The following DNM3 variants were observed in gnomAD, a reference collection of about 807,000 sequenced individuals.
DNM3 encodes dynamin 3, also known as dynamin-3.
DNM3 carries 47 observed loss-of-function variants against 101.6 expected under a neutral mutation model. The observed-to-expected ratio is 0.46, with a 90% confidence interval of 0.37 to 0.59. The LOEUF (loss-of-function observed/expected upper bound fraction) is 0.59. Ranked by LOEUF, DNM3 falls within the 20% of genes least tolerant of loss-of-function variation. The probability of loss-of-function intolerance (pLI) is 0.00; values close to 1 mark genes in which losing one functional copy is unlikely to be tolerated. For synonymous variants in DNM3, 385 were observed against 387.9 expected, an observed-to-expected ratio of 0.99 and a Z score of 0.09; for missense variants, 849 against 1,085.7, an observed-to-expected ratio of 0.78 and a Z score of 3.06.
At chr1:171,938,756 C>A (rs556661692) in intron 2 of DNM3, among the ~76,000 whole-genome samples, 6 of 152,254 alleles carry the variant, frequency 3.9e-5, no homozygotes, top group South Asian at 2.1e-4. Context: ...AATATTCCCA[C>A]ATTTGTAACC....
At chr1:172,208,118 G>T (rs759115448) in intron 14 of DNM3, among the ~76,000 whole-genome samples, 1 of 152,036 alleles carries the variant, frequency 6.6e-6, no homozygotes, top group Non-Finnish European at 1.5e-5. Flanking sequence ...ACCCAAGTGA[G>T]AATTTTGACT....
At chr1:172,144,471 A>G in intron 14 of DNM3, 1 of 376,836 alleles carries the variant, frequency 2.7e-6, no homozygotes. Flanking sequence ...GAGATTCAAA[A>G]AAGGAGCAAA....
chr1:172,389,266 A>G (rs1470544011), intron 20 of DNM3: 1 of 159,148 alleles, frequency 6.3e-6, no homozygotes, highest in East Asian at 1.8e-4. Context: ...CTTATACTCA[A>G]TTTTACCAAT....
intron 14 of DNM3, among the ~76,000 whole-genome samples, chr1:172,249,467 A>G (rs1401760978): frequency 2.0e-5 from 3 of 152,142 alleles, no homozygotes; most frequent in African/African-American, 4.8e-5. Context: ...AAAGAACACT[A>G]CACTGATGCT....
intron 18 of DNM3, among the ~76,000 whole-genome samples, chr1:172,382,980 G>GTT (rs1304787167): frequency 1.3e-5 from 2 of 152,074 alleles, no homozygotes; most frequent in African/African-American, 4.8e-5. Context: ...AAAACTTACT[G>GTT]TAACTTTAAT....
intron 14 of DNM3, among the ~76,000 whole-genome samples, chr1:172,136,153 C>G (rs1415968471): frequency 6.6e-6 from 1 of 151,976 alleles, no homozygotes; most frequent in Non-Finnish European, 1.5e-5. Context: ...AATTACAGGC[C>G]TCATTTTTGT....
chr1:172,285,587 A>G (rs1320061876), intron 15 of DNM3, among the ~76,000 whole-genome samples: 1 of 152,218 alleles, frequency 6.6e-6, no homozygotes, highest in African/African-American at 2.4e-5. Context: ...AGTAGTATGA[A>G]GACCTATTTT....
chr1:172,396,767 G>A (rs893959156), intron 20 of DNM3, among the ~76,000 whole-genome samples: 35 of 151,928 alleles, frequency 2.3e-4, no homozygotes, highest in Non-Finnish European at 2.9e-4. Context: ...TTTACTGTTC[G>A]TCTGTATATT....
At chr1:171,866,069 C>T (rs1245978840) in intron 1 of DNM3, among the ~76,000 whole-genome samples, 1 of 152,076 alleles carries the variant, frequency 6.6e-6, no homozygotes, top group African/African-American at 2.4e-5. Context: ...TGAGTAGTGC[C>T]TTTGTTCTCG....
intron 2 of DNM3, among the ~76,000 whole-genome samples, chr1:171,976,684 G>A (rs2044398120): frequency 6.6e-6 from 1 of 152,142 alleles, no homozygotes. Context: ...CAAATATTTA[G>A]ATGAAATAAT....
intron 14 of DNM3, among the ~76,000 whole-genome samples, chr1:172,154,283 T>G (rs1483142162): frequency 1.4e-5 from 2 of 143,926 alleles, no homozygotes; most frequent in Admixed American, 7.1e-5. Flanking sequence ...AAAAATCACC[T>G]TCCTAGTTTA....
In DNM3 at chr1:172,242,504, A is replaced by G. The variant is rs370475525; in HGVS notation, c.1660-11069A>G. 2.6e-5 allele frequency among the ~76,000 whole-genome samples: 4 copies of G among 152,136 alleles called. No homozygotes were observed. The East Asian group carries it at 7.7e-4, about 29-fold the overall frequency. On this transcript the variant is annotated intron_variant, in intron 14 of 20. Coordinates refer to ENST00000627582, the MANE Select transcript of DNM3 (RefSeq NM_015569.5). ...GTCATCTAGGCTGGAGTTCAGTGGC[A>G]TGATCTCAGCTCACTGCAACCTCTG...
chr1:172,127,841 C>A (rs148502573), intron 13 of DNM3, among the ~76,000 whole-genome samples: 1,915 of 152,226 alleles, frequency 0.013, 31 homozygotes, highest in African/African-American at 0.043. Flanking sequence ...GACCCTGTGA[C>A]CTATTCTGGT....
intron 14 of DNM3, among the ~76,000 whole-genome samples, chr1:172,158,004 C>T (rs749860098): frequency 1.3e-5 from 2 of 151,938 alleles, no homozygotes; most frequent in African/African-American, 2.4e-5. Context: ...AGACAAAAAT[C>T]CTGCCTGCAT....
chr1:172,103,892 T>G (rs2147895521), intron 13 of DNM3, among the ~76,000 whole-genome samples: 1 of 152,254 alleles, frequency 6.6e-6, no homozygotes, highest in African/African-American at 2.4e-5. Flanking sequence ...TTTCAGCTAC[T>G]CAGGAGGCTG....
At chr1:172,055,498 T>G (rs1311155518) in intron 10 of DNM3, among the ~76,000 whole-genome samples, 12 of 151,862 alleles carry the variant, frequency 7.9e-5, no homozygotes, top group Admixed American at 5.9e-4. Context: ...ATATTACTAT[T>G]AATATATTAA....
chr1:172,061,770 G>A (rs1011152222), intron 10 of DNM3, among the ~76,000 whole-genome samples: 1 of 151,576 alleles, frequency 6.6e-6, no homozygotes, highest in African/African-American at 2.4e-5. Context: ...AGTGGGTGCA[G>A]CGCACCAGCA....
chr1:172,167,712 T>C (rs552670268), intron 14 of DNM3, among the ~76,000 whole-genome samples: 2 of 152,162 alleles, frequency 1.3e-5, no homozygotes, highest in African/African-American at 4.8e-5. Flanking sequence ...TCTCATTTTT[T>C]TTCCATATAA....
chr1:171,890,084 T>C (rs1419743780), intron 1 of DNM3, among the ~76,000 whole-genome samples: 2 of 152,214 alleles, frequency 1.3e-5, no homozygotes, highest in East Asian at 3.8e-4. Context: ...TACAAGTATA[T>C]CCGCCTTTAT....
Sources: allele counts gnomAD v4.1 joint callset (sites outside exome capture counted in the v4.1 genomes callset), GRCh38; gene constraint gnomAD v4.1.1; transcripts MANE v1.5; gene names NCBI Gene and HGNC (gene_info 2026-07-23, HGNC 2026-07-21).